The following ICA1 variants were observed in gnomAD, a reference collection of about 807,000 sequenced individuals.
ICA1 encodes the protein islet cell autoantigen 1.
Under a neutral mutation model 71.0 loss-of-function variants are expected in ICA1, and 40 were observed. The observed-to-expected ratio is 0.56, with a 90% confidence interval of 0.44 to 0.73. ICA1 has a LOEUF of 0.73. Among genes scored for constraint, ICA1 ranks in the 30% least tolerant of loss-of-function variants. The probability of loss-of-function intolerance (pLI) is 0.00; values close to 1 mark genes in which losing one functional copy is unlikely to be tolerated. For synonymous variants in ICA1, 207 were observed against 209.5 expected, an observed-to-expected ratio of 0.99 and a Z score of 0.10; for missense variants, 578 against 576.5, an observed-to-expected ratio of 1.00 and a Z score of -0.03.
chr7:8,182,370 G>A (rs1339857418), intron 6 of ICA1, among the ~76,000 whole-genome samples: 1 of 152,156 alleles, frequency 6.6e-6, no homozygotes, highest in East Asian at 1.9e-4. Context: ...TGAGTGCCTG[G>A]TTCACAATTT....
chr7:8,244,791 A>G (rs1805344703), intron 1 of ICA1, among the ~76,000 whole-genome samples: 1 of 152,246 alleles, frequency 6.6e-6, no homozygotes, highest in Admixed American at 6.5e-5. Flanking sequence ...TTATGCAGCT[A>G]ACAGACACAT....
At chr7:8,203,177 T>A (rs557681602) in intron 6 of ICA1, among the ~76,000 whole-genome samples, 6 of 152,298 alleles carry the variant, frequency 3.9e-5, no homozygotes, top group African/African-American at 1.4e-4. Flanking sequence ...ACAAAATAAG[T>A]AATTTTTGAG....
At chr7:8,255,875 A>G (rs1352505752) in intron 1 of ICA1, among the ~76,000 whole-genome samples, 1 of 150,280 alleles carries the variant, frequency 6.7e-6, no homozygotes, top group African/African-American at 2.5e-5. Context: ...GCTGGGCTCA[A>G]GCAATCCTCT....
intron 6 of ICA1, among the ~76,000 whole-genome samples, chr7:8,166,655 C>CT (rs1439045651): frequency 5.3e-5 from 8 of 152,160 alleles, no homozygotes; most frequent in African/African-American, 1.9e-4. Flanking sequence ...CCAAAGTAAA[C>CT]TAAAGAGCTT....
intron 6 of ICA1, among the ~76,000 whole-genome samples, chr7:8,178,901 G>C (rs2128252916): frequency 6.6e-6 from 1 of 152,228 alleles, no homozygotes; most frequent in South Asian, 2.1e-4. Context: ...TCTTATGGTG[G>C]AATCTGCTAG....
chr7:8,156,216 C>T, intron 8 of ICA1, among the ~76,000 whole-genome samples: 1 of 152,112 alleles, frequency 6.6e-6, no homozygotes, highest in East Asian at 1.9e-4. Flanking sequence ...TGACATTATA[C>T]ACATCTCAGA....
chr7:8,201,605 C>G (rs760923633), intron 6 of ICA1, among the ~76,000 whole-genome samples: 9 of 152,106 alleles, frequency 5.9e-5, no homozygotes, highest in Non-Finnish European at 7.4e-5. Context: ...GGGTCAGCTG[C>G]GTTAAAATAA....
At chr7:8,128,837 G>A (rs1330845476) in intron 12 of ICA1, among the ~76,000 whole-genome samples, 5 of 152,164 alleles carry the variant, frequency 3.3e-5, no homozygotes, top group African/African-American at 4.8e-5. Context: ...GCGTTGAAGT[G>A]AGCACCGGAT....
At chr7:8,141,295 C>T (rs2128124231) in intron 10 of ICA1, among the ~76,000 whole-genome samples, 1 of 152,320 alleles carries the variant, frequency 6.6e-6, no homozygotes, top group African/African-American at 2.4e-5. Flanking sequence ...TTGGCACTGG[C>T]AGGCTGAGGC....
At chr7:8,119,199 C>G (rs543395159) in intron 13 of ICA1, among the ~76,000 whole-genome samples, 35 of 152,302 alleles carry the variant, frequency 2.3e-4, no homozygotes, top group African/African-American at 7.5e-4. Flanking sequence ...GGTCCTCTGA[C>G]AGAGTTCCTG....
chr7:8,198,173 C>T (rs1788339946), intron 6 of ICA1, among the ~76,000 whole-genome samples: 1 of 152,158 alleles, frequency 6.6e-6, no homozygotes, highest in African/African-American at 2.4e-5. Flanking sequence ...CACAAACATC[C>T]ACCCATCCTG....
At chr7:8,124,428 T>G (rs934687802) in intron 13 of ICA1, among the ~76,000 whole-genome samples, 1 of 148,798 alleles carries the variant, frequency 6.7e-6, no homozygotes, top group Non-Finnish European at 1.5e-5. Flanking sequence ...CGTGTATAGG[T>G]AGATTTTCTA....
intron 8 of ICA1, among the ~76,000 whole-genome samples, chr7:8,149,676 T>C (rs1798146725): frequency 6.6e-6 from 1 of 152,248 alleles, no homozygotes; most frequent in Non-Finnish European, 1.5e-5. Flanking sequence ...CTTTGACAAC[T>C]GAGTAGTATC....
intron 6 of ICA1, among the ~76,000 whole-genome samples, chr7:8,192,947 A>G (rs1429790213): frequency 6.6e-6 from 1 of 152,242 alleles, no homozygotes; most frequent in Non-Finnish European, 1.5e-5. Context: ...TTTTGGCATG[A>G]CATGATGTTC....
At chr7:8,251,533 G>A (rs1022690040) in intron 1 of ICA1, among the ~76,000 whole-genome samples, 2 of 150,880 alleles carry the variant, frequency 1.3e-5, no homozygotes, top group African/African-American at 4.9e-5. Flanking sequence ...ATAAAGCTTA[G>A]AGATAATGAA....
intron 6 of ICA1, among the ~76,000 whole-genome samples, chr7:8,191,963 ACATT>A (rs1436007133): frequency 6.6e-6 from 1 of 152,154 alleles, no homozygotes; most frequent in Non-Finnish European, 1.5e-5. Flanking sequence ...ATTCACCCAA[ACATT>A]ACTACATTTG....
chr7:8,165,612 T>C (rs1381252062), intron 6 of ICA1, among the ~76,000 whole-genome samples: 3 of 152,330 alleles, frequency 2.0e-5, no homozygotes, highest in Non-Finnish European at 2.9e-5. Context: ...TAATACTCTA[T>C]ACCCAGAAAG....
rs1053062797 is a variant in ICA1, at chr7:8,130,500, G to A, written c.1061-2358C>T. On this transcript the variant is annotated intron_variant, in intron 12 of 13. Transcript: ENST00000402384. This position sits in a 1 kb window ranked among gnomAD's most constrained non-coding sequence, Gnocchi z 4.2. ...TACTTCCTACTTTCAGGTAGGACTG[G>A]AATGCCCAAACCCTTTCTTATAGTT... Among the ~76,000 whole-genome samples the A allele has an allele frequency of 1.3e-5, 2 of 152,196 alleles. No homozygotes were observed. The highest frequency in any genetic ancestry group is 1.9e-4 in the East Asian group (1 of 5,204).
At chr7:8,136,753 C>G (rs898870669) in intron 12 of ICA1, among the ~76,000 whole-genome samples, 5 of 152,198 alleles carry the variant, frequency 3.3e-5, no homozygotes, top group Non-Finnish European at 5.9e-5. Context: ...ATTAATATCC[C>G]TATCTTTACA....
Sources: allele counts gnomAD v4.1 joint callset (sites outside exome capture counted in the v4.1 genomes callset), GRCh38; gene constraint gnomAD v4.1.1; non-coding constraint Gnocchi (gnomAD v3.1); transcripts MANE v1.5; gene names NCBI Gene and HGNC (gene_info 2026-07-23, HGNC 2026-07-21).